The following ASH1L variants were observed in gnomAD, a reference collection of about 807,000 sequenced individuals.
ASH1L encodes the protein histone-lysine N-methyltransferase ASH1L.
A neutral mutation model predicts 269.0 loss-of-function variants in ASH1L; 23 were observed. That is an observed-to-expected ratio of 0.09 (90% CI 0.06 to 0.12). The LOEUF (loss-of-function observed/expected upper bound fraction) is 0.12, where lower values mean the gene tolerates loss of function less well. Among genes scored for constraint, ASH1L ranks in the 10% least tolerant of loss-of-function variants. The probability of loss-of-function intolerance (pLI) is 1.00; values close to 1 mark genes in which losing one functional copy is unlikely to be tolerated. For synonymous variants in ASH1L, 1,187 were observed against 1,253.5 expected, an observed-to-expected ratio of 0.95 and a Z score of 1.12; for missense variants, 2,912 against 3,567.8, an observed-to-expected ratio of 0.82 and a Z score of 4.68.
At chr1:155,527,819 G>C (rs1669372651) in intron 1 of ASH1L, among the ~76,000 whole-genome samples, 1 of 152,006 alleles carries the variant, frequency 6.6e-6, no homozygotes, top group African/African-American at 2.4e-5. Context: ...TAGCTGGGAT[G>C]ACAGGCATGA....
At chr1:155,441,757 C>A (rs544898539) in intron 4 of ASH1L, among the ~76,000 whole-genome samples, 28 of 149,152 alleles carry the variant, frequency 1.9e-4, no homozygotes, top group African/African-American at 5.4e-4. Flanking sequence ...TGAGCCACTG[C>A]GCCTGGCCTT....
At chr1:155,360,210 C>A in intron 13 of ASH1L, 91 bp downstream of exon 13, 3 of 887,800 alleles carry the variant, frequency 3.4e-6, no homozygotes, top group Middle Eastern at 3.3e-4. Context: ...TTCTTAATGG[C>A]TCCAAGTCAA....
intron 17 of ASH1L, among the ~76,000 whole-genome samples, chr1:155,350,543 C>T (rs1653805193): frequency 6.6e-6 from 1 of 152,116 alleles, no homozygotes; most frequent in Non-Finnish European, 1.5e-5. Flanking sequence ...CAAATTACTA[C>T]TCAACAAATC....
At chr1:155,359,711 G>A (rs1270098461) in intron 13 of ASH1L, among the ~76,000 whole-genome samples, 1 of 152,066 alleles carries the variant, frequency 6.6e-6, no homozygotes, top group Non-Finnish European at 1.5e-5. Flanking sequence ...AAGTAGCTGG[G>A]ACCACAGGCA....
chr1:155,410,975 A>G (rs964569734), intron 6 of ASH1L, among the ~76,000 whole-genome samples: 2 of 152,224 alleles, frequency 1.3e-5, no homozygotes, highest in African/African-American at 4.8e-5. Flanking sequence ...GTCAAAACCC[A>G]TAGAATGTAT....
Position 155,341,856 on chromosome 1 carries a change from G to A in ASH1L, c.8460+80C>T, listed in dbSNP as rs183593753. On this transcript the variant is annotated intron_variant, in intron 25 of 27. Transcript: ENST00000392403. ...TTTGGATGAAGAAGCAGAGAACTAC[G>A]TGAAGATTTTCGCTCAGTGAATTTC... 1.0e-3 allele frequency: 1,460 copies of A among 1,443,528 alleles called. 1 individual carries two copies. The highest frequency in any genetic ancestry group is 1.3e-3 in the Non-Finnish European group (1,335 of 1,036,066). The allele number at this position is 1,443,528 out of a possible 1,614,324, so 89.4% of individuals were successfully genotyped here.
chr1:155,446,962 A>C (rs1400100499), intron 4 of ASH1L, among the ~76,000 whole-genome samples: 1 of 152,236 alleles, frequency 6.6e-6, no homozygotes, highest in Non-Finnish European at 1.5e-5. Flanking sequence ...CTATATGTTG[A>C]GCTTAAACAC....
intron 7 of ASH1L, among the ~76,000 whole-genome samples, chr1:155,385,810 A>C (rs1657380636): frequency 6.6e-6 from 1 of 152,218 alleles, no homozygotes; most frequent in Non-Finnish European, 1.5e-5. Context: ...TAAAAGACCA[A>C]GTTGCCTACT....
At chr1:155,367,239 G>T (rs12755543) in intron 12 of ASH1L, among the ~76,000 whole-genome samples, 1 of 152,074 alleles carries the variant, frequency 6.6e-6, no homozygotes, top group Non-Finnish European at 1.5e-5. Flanking sequence ...TGATCCGCTC[G>T]CCTTGGCCTC....
At chr1:155,383,863 C>T (rs1657188216) in intron 7 of ASH1L, among the ~76,000 whole-genome samples, 1 of 151,992 alleles carries the variant, frequency 6.6e-6, no homozygotes, top group South Asian at 2.1e-4. Flanking sequence ...CATGGTCATA[C>T]AACAATGCGA....
chr1:155,510,201 G>A (rs1263786594), intron 2 of ASH1L, among the ~76,000 whole-genome samples: 4 of 151,922 alleles, frequency 2.6e-5, no homozygotes, highest in African/African-American at 9.7e-5. Flanking sequence ...GGATCACAAG[G>A]TCAGGAGTTC....
intron 5 of ASH1L, among the ~76,000 whole-genome samples, chr1:155,424,565 G>A (rs558490505): frequency 2.6e-5 from 4 of 151,800 alleles, no homozygotes; most frequent in East Asian, 3.9e-4. Context: ...GCGCCACTAC[G>A]CCGGGCTAAT....
At position 155,497,394 on chromosome 1, in the gene ASH1L, C is replaced by T. The variant is rs116706388; in HGVS notation, c.421-14945G>A. On this transcript the variant is annotated intron_variant, in intron 2 of 27. Transcript: ENST00000392403. ...GGAGATTTTCTTCCACCTCTGCTAC[C>T]CCTTAGACAGCAAGACCAACCCCTA... Among the ~76,000 whole-genome samples the T allele has an allele frequency of 5.7e-3, 865 of 152,266 alleles. 11 individuals are homozygous for T. Among genetic ancestry groups the T allele is most frequent in the African/African-American group, 0.02 (835 of 41,550 alleles).
At chr1:155,506,489 G>C (rs1200387688) in intron 2 of ASH1L, among the ~76,000 whole-genome samples, 2 of 152,076 alleles carry the variant, frequency 1.3e-5, no homozygotes, top group Non-Finnish European at 2.9e-5. Flanking sequence ...CTGAGGTCAG[G>C]AGTTCAAGAT....
Position 155,338,243 on chromosome 1 carries a change from C to A in ASH1L, c.8649G>T (p.Gly2883=), listed in dbSNP as rs780692656. The A allele has an allele frequency of 8.7e-6, 14 of 1,614,038 alleles. No homozygotes were observed. Among genetic ancestry groups the A allele is most frequent in the Admixed American group, 1.7e-5 (1 of 59,992 alleles). Residue 2883 remains glycine, a synonymous_variant, in exon 27 of 28, where the codon GGG becomes GGT. Coordinates refer to ENST00000392403, the MANE Select transcript of ASH1L (RefSeq NM_018489.3). ...IPSLEEPERE[G]ATANVSEGEK... ...CACCCTCACTGACGTTAGCAGTGGC[C>A]CCTTCCCGTTCTGGCTCCTCCAGGC...
chr1:155,481,015 C>G lies in ASH1L; in HGVS notation c.1855G>C (p.Gly619Arg). 6.2e-7 allele frequency: 1 copy of G among 1,613,906 alleles called. No individual in the cohort carries two copies. Among genetic ancestry groups the G allele is most frequent in the Non-Finnish European group, 8.5e-7 (1 of 1,179,934 alleles). ...THLNVGHRSV[G>R]HSISIECKGI... ...TTACATTCAATACTTATACTATGAC[C>G]AACTGACCTATGACCAACGTTCAAG... Residue 619 changes from glycine to arginine, a missense_variant, in exon 3 of 28, where the codon GGT becomes CGT. Transcript: ENST00000392403.
chr1:155,557,160 T>A (rs1008882601), intron 1 of ASH1L, among the ~76,000 whole-genome samples: 12 of 152,288 alleles, frequency 7.9e-5, no homozygotes, highest in African/African-American at 2.4e-4. Flanking sequence ...ATTTCATAGA[T>A]TTCCAAACAT....
intron 6 of ASH1L, among the ~76,000 whole-genome samples, chr1:155,398,921 C>T (rs762581783): frequency 2.6e-5 from 4 of 152,004 alleles, no homozygotes; most frequent in African/African-American, 4.8e-5. Context: ...TTTGTAGACA[C>T]GGTGTTTCAC....
intron 17 of ASH1L, 109 bp from the exon 18 acceptor site, chr1:155,349,705 A>G: frequency 1.3e-6 from 1 of 759,668 alleles, no homozygotes; most frequent in South Asian, 1.8e-5. Context: ...AGAAAAATCC[A>G]AGTCTTTTTT....
Sources: gnomAD v4.1 joint callset for allele counts (sites outside exome capture counted in the v4.1 genomes callset) on GRCh38, gnomAD v4.1.1 for gene constraint, MANE v1.5 for transcripts, NCBI Gene and HGNC (gene_info 2026-07-23, HGNC 2026-07-21) for gene names.